The following CACNA2D1 variants were observed in gnomAD, a reference collection of about 807,000 sequenced individuals.
CACNA2D1 encodes the protein calcium voltage-gated channel auxiliary subunit alpha2delta 1.
In CACNA2D1, 53 loss-of-function variants were observed where a neutral mutation model predicts 171.5. The observed-to-expected ratio is 0.31, with a 90% CI of 0.25 to 0.39. The LOEUF is 0.39. CACNA2D1 is among the 10% of genes least tolerant of loss of function. The pLI, the probability that CACNA2D1 is intolerant of heterozygous loss-of-function variation, is 1.00. For missense variants in CACNA2D1, 903 were observed against 1,299.8 expected (o/e 0.69, Z 4.69); for synonymous variants, 442 against 443.1 (o/e 1.00, Z 0.03).
intron 6 of CACNA2D1, among the ~76,000 whole-genome samples, chr7:82,112,850 T>C (rs953257934): frequency 2.6e-5 from 4 of 152,176 alleles, no homozygotes; most frequent in African/African-American, 9.6e-5. Context: ...TCATCTAAGA[T>C]ACAGCGGCTA....
At chr7:82,028,795 C>T (rs1439275914) in intron 12 of CACNA2D1, 1 of 151,804 alleles carries the variant, frequency 6.6e-6, no homozygotes, top group African/African-American at 2.4e-5. Flanking sequence ...GGCTGAATTG[C>T]TACAATCTCA....
intron 1 of CACNA2D1, among the ~76,000 whole-genome samples, chr7:82,385,816 C>A (rs750614829): frequency 1.5e-4 from 23 of 152,040 alleles, no homozygotes; most frequent in Non-Finnish European, 2.1e-4. Flanking sequence ...AGGAACCTGC[C>A]ACCATGCCCA....
intron 4 of CACNA2D1, among the ~76,000 whole-genome samples, chr7:82,143,286 T>C (rs1020117820): frequency 6.6e-6 from 1 of 152,166 alleles, no homozygotes; most frequent in South Asian, 2.1e-4. Context: ...TCATATTATG[T>C]GACAAGAGAC....
chr7:82,105,723 C>A (rs1787681564), intron 6 of CACNA2D1, among the ~76,000 whole-genome samples: 2 of 152,038 alleles, frequency 1.3e-5, no homozygotes, highest in African/African-American at 2.4e-5. Context: ...AATATAGAAA[C>A]AACAACTGAT....
chr7:82,153,626 C>T (rs979350388), intron 4 of CACNA2D1, among the ~76,000 whole-genome samples: 1 of 152,008 alleles, frequency 6.6e-6, no homozygotes, highest in African/African-American at 2.4e-5. Flanking sequence ...ATCATGACTA[C>T]GAATTCCAAT....
intron 3 of CACNA2D1, among the ~76,000 whole-genome samples, chr7:82,203,339 G>C (rs745962814): frequency 1.1e-4 from 17 of 152,172 alleles, no homozygotes; most frequent in Non-Finnish European, 1.6e-4. Context: ...CAGTACCACT[G>C]TGTAGTGGAC....
intron 7 of CACNA2D1, among the ~76,000 whole-genome samples, chr7:82,069,152 A>G (rs1808017776): frequency 6.6e-6 from 1 of 152,142 alleles, no homozygotes; most frequent in Non-Finnish European, 1.5e-5. Context: ...CCATCATGTC[A>G]TTTAAATAGT....
intron 18 of CACNA2D1, 44 bp downstream of exon 18, chr7:82,005,379 A>T: frequency 8.8e-7 from 1 of 1,132,814 alleles, no homozygotes; most frequent in Non-Finnish European, 1.3e-6. Flanking sequence ...ATTAATCATT[A>T]ATTCTACAAA....
At chr7:82,402,705 C>CAAAAAAAAAAAAAA in intron 1 of CACNA2D1, among the ~76,000 whole-genome samples, 1 of 64,824 alleles carries the variant, frequency 1.5e-5, no homozygotes, top group Non-Finnish European at 2.8e-5. Context: ...GACTCTGTCT[C>CAAAAAAAAAAAAAA]AAAAAAAAAA....
At chr7:82,149,210 C>G (rs1015816015) in intron 4 of CACNA2D1, among the ~76,000 whole-genome samples, 3 of 152,008 alleles carry the variant, frequency 2.0e-5, no homozygotes, top group Non-Finnish European at 4.4e-5. Context: ...ACTAAACAAG[C>G]CAGCCTCCCT....
intron 1 of CACNA2D1, among the ~76,000 whole-genome samples, chr7:82,376,883 A>T (rs1823074880): frequency 6.6e-6 from 1 of 152,240 alleles, no homozygotes; most frequent in Admixed American, 6.5e-5. Context: ...TAAAATGCTG[A>T]ACAATGAAAT....
At chr7:82,290,627 G>A (rs1318636533) in intron 3 of CACNA2D1, among the ~76,000 whole-genome samples, 11 of 145,048 alleles carry the variant, frequency 7.6e-5, no homozygotes, top group South Asian at 4.3e-4. Context: ...AGGGAATTTC[G>A]CTCTTGTTGC....
chr7:82,361,595 G>A (rs1821083681), intron 1 of CACNA2D1, among the ~76,000 whole-genome samples: 1 of 151,922 alleles, frequency 6.6e-6, no homozygotes, highest in African/African-American at 2.4e-5. Context: ...TTGAAAAGCA[G>A]GTCAAAATCT....
At chr7:82,031,886 GC>G (rs1802742870) in intron 12 of CACNA2D1, among the ~76,000 whole-genome samples, 1 of 151,846 alleles carries the variant, frequency 6.6e-6, no homozygotes, top group African/African-American at 2.4e-5. Context: ...AAGTGAATGG[GC>G]ATTTTACCCT....
At chr7:82,077,638 C>T (rs1027414272) in intron 7 of CACNA2D1, among the ~76,000 whole-genome samples, 5 of 151,972 alleles carry the variant, frequency 3.3e-5, no homozygotes, top group Non-Finnish European at 5.9e-5. Context: ...CTAACTAATA[C>T]ACTGGACTTT....
chr7:82,328,060 C>T (rs145841508), intron 3 of CACNA2D1, among the ~76,000 whole-genome samples: 4 of 152,228 alleles, frequency 2.6e-5, no homozygotes, highest in East Asian at 3.9e-4. Context: ...CCCTTGATGC[C>T]GTGTCTCATT....
Position 81,946,783 on chromosome 7 carries a change from C to T in CACNA2D1, c.*3609G>A, listed in dbSNP as rs1462520663. The T allele has an allele frequency of 1.3e-5, 2 of 151,946 alleles. No individual in the cohort carries two copies. Among genetic ancestry groups the T allele is most frequent in the African/African-American group, 4.8e-5 (2 of 41,380 alleles). 9.4% of individuals were successfully genotyped at this position (151,946 alleles called of 1,614,324 possible). ...ACTGGCATCTACACAAGACAGTATC[C>T]CATTAGTTTCAGTGGAATTTGAGAT... On this transcript the variant is annotated 3_prime_UTR_variant, in exon 39 of 39. Transcript: ENST00000356860.
rs1796226438 is a variant in CACNA2D1, at chr7:81,979,487, A to G, written c.1955+3080T>C. 2.0e-5 allele frequency among the ~76,000 whole-genome samples: 3 copies of G among 152,172 alleles called. No homozygotes were observed. The South Asian group carries it at 6.2e-4, about 32-fold the overall frequency. On this transcript the variant is annotated intron_variant, in intron 24 of 38. Transcript: ENST00000356860. ...TCTTATAGTGAAGCTGAGAAAGCCA[A>G]CATGCATAATCTGCTACTTAATAAC...
At chr7:82,332,569 C>T (rs2368019) in intron 3 of CACNA2D1, among the ~76,000 whole-genome samples, 33 of 119,942 alleles carry the variant, frequency 2.8e-4, no homozygotes, top group African/African-American at 1.0e-3. Context: ...AAAGAAAGAA[C>T]GAACAGAAAA....
Sources: gnomAD v4.1 joint callset for allele counts (sites outside exome capture counted in the v4.1 genomes callset) on GRCh38, gnomAD v4.1.1 for gene constraint, MANE v1.5 for transcripts, NCBI Gene and HGNC (gene_info 2026-07-23, HGNC 2026-07-21) for gene names.